PARD3B: variants seen among roughly 807,000 people sequenced by gnomAD.
PARD3B encodes the protein par-3 family cell polarity regulator beta, also known as partitioning defective 3 homolog B.
In PARD3B, 103 loss-of-function variants were observed where a neutral mutation model predicts 130.2. That is an observed-to-expected ratio of 0.79 (90% confidence interval 0.67 to 0.93). The LOEUF (loss-of-function observed/expected upper bound fraction) is 0.93. Among genes scored for constraint, PARD3B ranks in the 40% least tolerant of loss-of-function variants. The pLI, the probability that PARD3B is intolerant of heterozygous loss-of-function variation, is 0.00. For synonymous variants in PARD3B, 583 were observed against 553.2 expected (o/e 1.05, Z -0.76); for missense variants, 1,609 against 1,499.2 (o/e 1.07, Z -1.21).
At chr2:205,538,315 G>GT (rs1559192800) in intron 21 of PARD3B, among the ~76,000 whole-genome samples, 1 of 152,156 alleles carries the variant, frequency 6.6e-6, no homozygotes, top group East Asian at 1.9e-4. Context: ...TTGAACCAAC[G>GT]TAAGGAAATG....
In PARD3B at chr2:205,244,308, C is replaced by T. The variant is rs2039477718; in HGVS notation, c.2141-1470C>T. Among the ~76,000 whole-genome samples the T allele has an allele frequency of 6.6e-6, 1 of 152,150 alleles. No homozygotes were observed. The highest frequency in any genetic ancestry group is 1.5e-5 in the Non-Finnish European group (1 of 68,034). On this transcript the variant is annotated intron_variant, in intron 15 of 22. Transcript: ENST00000406610. The surrounding 1 kb of genome is among the most constrained non-coding windows in gnomAD (Gnocchi z 4.7). ...AGAGATTCTTCTTGTTAGCAAATTT[C>T]CCCTCGCCTTGCTTCAACCCTTGAG...
chr2:205,043,513 T>C (rs1698532445), intron 3 of PARD3B, among the ~76,000 whole-genome samples: 1 of 152,098 alleles, frequency 6.6e-6, no homozygotes, highest in South Asian at 2.1e-4. Flanking sequence ...AAACCCAGGG[T>C]CCTCTCCACT....
At chr2:205,333,702 A>G (rs951589907) in intron 18 of PARD3B, among the ~76,000 whole-genome samples, 4 of 152,170 alleles carry the variant, frequency 2.6e-5, no homozygotes, top group African/African-American at 9.7e-5. Flanking sequence ...TGTACCCTGA[A>G]GACGTGGAAT....
At chr2:204,919,785 T>C (rs1051452487) in intron 2 of PARD3B, among the ~76,000 whole-genome samples, 1 of 152,208 alleles carries the variant, frequency 6.6e-6, no homozygotes, top group Non-Finnish European at 1.5e-5. Flanking sequence ...CCCATTCTTG[T>C]TTAAGGCAAG....
rs888923454 is a variant in PARD3B at position 205,116,073 on chromosome 2, C to T, written c.680+2496C>T. 2.6e-5 allele frequency among the ~76,000 whole-genome samples: 4 copies of T among 151,866 alleles called. No individual in the cohort carries two copies. The highest frequency in any genetic ancestry group is 1.3e-4 in the Admixed American group (2 of 15,222). On this transcript the variant is annotated intron_variant, in intron 6 of 22. Coordinates refer to ENST00000406610, the MANE Select transcript of PARD3B (RefSeq NM_001302769.2). The surrounding 1 kb of genome is among the most constrained non-coding windows in gnomAD (Gnocchi z 4.5). ...CCTCAATGAATTCATTAGATACCAT[C>T]GCAGAGGGGTGCTGAATGCTGCTTG...
rs112904714 is a variant in PARD3B at position 204,876,267 on chromosome 2, C to T, written c.223-88885C>T. 3.2e-4 allele frequency among the ~76,000 whole-genome samples: 48 copies of T among 152,274 alleles called. 1 individual carries two copies. Among genetic ancestry groups the T allele is most frequent in the African/African-American group, 1.1e-3 (46 of 41,550 alleles). On this transcript the variant is annotated intron_variant, in intron 2 of 22. Transcript: ENST00000406610. ...TAATCCAAAAGCTCATTTCCAGAAC[C>T]CTCTTTCCAAATATAATAGCTTCAA...
intron 18 of PARD3B, among the ~76,000 whole-genome samples, chr2:205,335,215 C>A (rs1235274704): frequency 2.6e-5 from 4 of 152,106 alleles, no homozygotes; most frequent in Non-Finnish European, 5.9e-5. Context: ...GTAGCCATGC[C>A]ACTAAATAAG....
At chr2:205,331,965 T>C (rs1307386993) in intron 18 of PARD3B, among the ~76,000 whole-genome samples, 7 of 151,030 alleles carry the variant, frequency 4.6e-5, no homozygotes, top group African/African-American at 1.5e-4. Context: ...ATTAGCCTGG[T>C]GTGGTGGTGT....
intron 2 of PARD3B, among the ~76,000 whole-genome samples, chr2:204,917,499 T>G (rs1208674071): frequency 6.6e-6 from 1 of 152,206 alleles, no homozygotes; most frequent in African/African-American, 2.4e-5. Context: ...TGAGTTGATT[T>G]GCTGAGCTGG....
At chr2:205,120,164 T>C (rs1344680980) in intron 7 of PARD3B, among the ~76,000 whole-genome samples, 11 of 152,204 alleles carry the variant, frequency 7.2e-5, no homozygotes, top group Admixed American at 6.5e-4. Flanking sequence ...TAATGAATGA[T>C]AGACAAAACT....
intron 3 of PARD3B, among the ~76,000 whole-genome samples, chr2:204,995,459 C>G (rs959956655): frequency 2.9e-4 from 44 of 150,006 alleles, no homozygotes; most frequent in Non-Finnish European, 5.8e-4. Context: ...CACTGTTAGT[C>G]TGATGGGCTT....
chr2:205,512,306 C>T (rs745925182), intron 21 of PARD3B, among the ~76,000 whole-genome samples: 8 of 152,130 alleles, frequency 5.3e-5, no homozygotes, highest in Non-Finnish European at 1.2e-4. Context: ...GCGAGGCTAA[C>T]AGGAAAACTT....
intron 2 of PARD3B, among the ~76,000 whole-genome samples, chr2:204,714,136 T>G (rs2125305824): frequency 6.6e-6 from 1 of 152,326 alleles, no homozygotes; most frequent in South Asian, 2.1e-4. Context: ...TAGCTTTCCT[T>G]CTCTCCTTAT....
At chr2:204,619,972 G>C (rs1574562251) in intron 1 of PARD3B, among the ~76,000 whole-genome samples, 2 of 152,064 alleles carry the variant, frequency 1.3e-5, no homozygotes, top group African/African-American at 4.8e-5. Flanking sequence ...CAAACCCTGA[G>C]GCAGGGAGAA....
intron 22 of PARD3B, among the ~76,000 whole-genome samples, chr2:205,605,882 G>T (rs896383582): frequency 1.3e-5 from 2 of 152,100 alleles, no homozygotes; most frequent in African/African-American, 4.8e-5. Flanking sequence ...GATCACAGCC[G>T]CCCCTCCTCT....
At chr2:205,329,226 T>C (rs1334446813) in intron 18 of PARD3B, among the ~76,000 whole-genome samples, 2 of 152,230 alleles carry the variant, frequency 1.3e-5, no homozygotes, top group Non-Finnish European at 1.5e-5. Context: ...TTATTTTTCA[T>C]GTGCTTATGT....
intron 15 of PARD3B, among the ~76,000 whole-genome samples, chr2:205,222,955 C>T (rs2038321644): frequency 6.6e-6 from 1 of 152,096 alleles, no homozygotes; most frequent in African/African-American, 2.4e-5. Context: ...TCTTTGCCTT[C>T]ATTGAGGTTG....
chr2:205,395,146 G>C (rs76748432), intron 18 of PARD3B, among the ~76,000 whole-genome samples: 2,778 of 151,960 alleles, frequency 0.018, 83 homozygotes, highest in African/African-American at 0.062. Flanking sequence ...TTCAGCACTC[G>C]ACTGCACCTG....
chr2:204,981,114 A>G (rs1004244362), intron 3 of PARD3B, among the ~76,000 whole-genome samples: 16 of 152,222 alleles, frequency 1.1e-4, no homozygotes, highest in Admixed American at 8.5e-4. Flanking sequence ...GCTCTTGGTG[A>G]GCCTGTGAAG....
Sources: allele counts gnomAD v4.1 joint callset (sites outside exome capture counted in the v4.1 genomes callset), GRCh38; gene constraint gnomAD v4.1.1; non-coding constraint Gnocchi (gnomAD v3.1); transcripts MANE v1.5; gene names NCBI Gene and HGNC (gene_info 2026-07-23, HGNC 2026-07-21).